The following SCLT1 variants were observed in gnomAD, a reference collection of about 807,000 sequenced individuals.
SCLT1 encodes the protein sodium channel and clathrin linker 1.
In SCLT1, 78 loss-of-function variants were observed where a neutral mutation model predicts 112.8. The ratio of observed to expected loss-of-function variants is 0.69; its 90% CI spans 0.58 to 0.83. The LOEUF (loss-of-function observed/expected upper bound fraction) is 0.83. Ranked by LOEUF, SCLT1 falls within the 40% of genes least tolerant of loss-of-function variation. The pLI is 0.00. For synonymous variants in SCLT1, 257 were observed against 254.7 expected, an observed-to-expected ratio of 1.01 and a Z score of -0.09; for missense variants, 747 against 770.4, an observed-to-expected ratio of 0.97 and a Z score of 0.36.
intron 14 of SCLT1, 131 bp downstream of exon 14, chr4:128,952,638 C>T (rs1738854111): frequency 3.0e-6 from 2 of 673,036 alleles, no homozygotes; most frequent in Middle Eastern, 5.0e-4. Context: ...TGGATTTTCA[C>T]TTTTTTCTTA....
At chr4:128,897,084 G>C (rs1364089348) in intron 18 of SCLT1, among the ~76,000 whole-genome samples, 1 of 152,158 alleles carries the variant, frequency 6.6e-6, no homozygotes, top group Non-Finnish European at 1.5e-5. Flanking sequence ...ATGGAACCAA[G>C]TTGGAAAACA....
intron 5 of SCLT1, among the ~76,000 whole-genome samples, chr4:129,022,351 G>C (rs997945434): frequency 6.6e-6 from 1 of 152,162 alleles, no homozygotes; most frequent in Non-Finnish European, 1.5e-5. Context: ...ACTCCTCTGC[G>C]TTAAAGGAGC....
Position 128,999,702 on chromosome 4 carries a change from C to A in SCLT1, c.519G>T (p.Gln173His), listed in dbSNP as rs1171871118. The A allele has an allele frequency of 1.2e-6, 2 of 1,605,536 alleles. No homozygotes were observed. Among genetic ancestry groups the A allele is most frequent in the South Asian group, 1.1e-5 (1 of 90,282 alleles). The stretch of plus-strand genomic sequence containing the variant: ...GTTTTTGACTTTCAAATACATGAAT[C>A]TGGGCCTCAGTCATATGTTCCTGGT... ...KLYQEHMTEAQIHVFESQKQK... is the reference protein window; with the variant it reads ...KLYQEHMTEAHIHVFESQKQK... Residue 173 changes from glutamine to histidine, a missense_variant, in exon 7 of 21, where the codon CAG becomes CAT. This residue lies in a region of SCLT1 where 723 missense variants were observed against 721.3 expected (regional missense o/e 1.00). Transcript: ENST00000281142.
chr4:129,052,514 T>G (rs1017030043), intron 2 of SCLT1, among the ~76,000 whole-genome samples: 8 of 152,060 alleles, frequency 5.3e-5, no homozygotes, highest in Admixed American at 4.6e-4. Flanking sequence ...TTTTTTTGTA[T>G]AGAGATGTTT....
At chr4:129,080,395 G>C (rs552387372) in intron 2 of SCLT1, among the ~76,000 whole-genome samples, 1 of 152,302 alleles carries the variant, frequency 6.6e-6, no homozygotes, top group East Asian at 1.9e-4. Flanking sequence ...CATCTTGAGT[G>C]CTTTCTTGCT....
At chr4:129,078,104 A>T (rs573805712) in intron 2 of SCLT1, among the ~76,000 whole-genome samples, 1 of 152,338 alleles carries the variant, frequency 6.6e-6, no homozygotes, top group South Asian at 2.1e-4. Flanking sequence ...TGGTTGCAAG[A>T]CAACAAGAAT....
intron 9 of SCLT1, among the ~76,000 whole-genome samples, chr4:128,980,078 T>C (rs542209707): frequency 6.6e-6 from 1 of 152,354 alleles, no homozygotes; most frequent in East Asian, 1.9e-4. Flanking sequence ...CTGTTTTCCA[T>C]GCTCAGAAAA....
intron 9 of SCLT1, among the ~76,000 whole-genome samples, chr4:128,974,796 G>T (rs1741000820): frequency 6.6e-6 from 1 of 151,834 alleles, no homozygotes; most frequent in Non-Finnish European, 1.5e-5. Context: ...GCCTGTGTAT[G>T]TAATTTTATA....
intron 9 of SCLT1, among the ~76,000 whole-genome samples, chr4:128,988,340 G>C (rs991390755): frequency 1.3e-5 from 2 of 151,898 alleles, no homozygotes; most frequent in Admixed American, 1.3e-4. Flanking sequence ...CAAAAAGCAG[G>C]GGAGATGAAG....
chr4:128,962,360 T>C lies in SCLT1; in HGVS notation c.870-2583A>G, dbSNP rs555585285. On this transcript the variant is annotated intron_variant, in intron 11 of 20. Transcript: ENST00000281142. ...TAGTCTGCACAATCATTATTAATCA[T>C]TACTTTGTTTTCCTCCATTTCTAAC... 2.6e-5 allele frequency among the ~76,000 whole-genome samples: 4 copies of C among 152,346 alleles called. No homozygotes were observed. The South Asian group carries it at 8.3e-4, about 32-fold the overall frequency.
intron 13 of SCLT1, among the ~76,000 whole-genome samples, chr4:128,953,047 C>G (rs1417056580): frequency 6.6e-6 from 1 of 151,758 alleles, no homozygotes. Flanking sequence ...CCAAAAGGAC[C>G]GTGGTTGTCA....
chr4:128,978,202 C>A (rs1741348708), intron 9 of SCLT1, among the ~76,000 whole-genome samples: 1 of 151,832 alleles, frequency 6.6e-6, no homozygotes, highest in African/African-American at 2.4e-5. Flanking sequence ...AGTTTACTGT[C>A]AAAAAATAAA....
chr4:129,052,209 G>T (rs1291355015), intron 2 of SCLT1, among the ~76,000 whole-genome samples: 1 of 152,152 alleles, frequency 6.6e-6, no homozygotes, highest in African/African-American at 2.4e-5. Context: ...TCTCTGCCAG[G>T]TTTTGGTATC....
intron 18 of SCLT1, among the ~76,000 whole-genome samples, chr4:128,897,037 T>C (rs318521): frequency 0.22 from 33,986 of 151,974 alleles, 4,595 homozygotes; most frequent in African/African-American, 0.37. Flanking sequence ...AAAGACCAAC[T>C]CTCGTCTGAT....
intron 1 of SCLT1, among the ~76,000 whole-genome samples, chr4:129,091,555 A>C (rs1579990294): frequency 6.6e-6 from 1 of 151,740 alleles, no homozygotes; most frequent in Admixed American, 6.6e-5. Flanking sequence ...GTCCCACACT[A>C]CTCTTACGGT....
intron 2 of SCLT1, among the ~76,000 whole-genome samples, chr4:129,045,633 G>A: frequency 6.6e-6 from 1 of 151,942 alleles, no homozygotes; most frequent in Admixed American, 6.6e-5. Flanking sequence ...ATTTCTAGGG[G>A]TGGAAAGAAG....
intron 2 of SCLT1, among the ~76,000 whole-genome samples, chr4:129,068,919 A>C (rs1750736357): frequency 6.6e-6 from 1 of 152,196 alleles, no homozygotes; most frequent in African/African-American, 2.4e-5. Flanking sequence ...CTTAGATTTA[A>C]GTCCTTAATC....
intron 1 of SCLT1, among the ~76,000 whole-genome samples, chr4:129,082,924 A>G (rs1699389): frequency 0.72 from 109,530 of 151,880 alleles, 41,515 homozygotes; most frequent in South Asian, 0.89. Context: ...AGGCCCGGTG[A>G]CTCATGCCTG....
chr4:129,046,910 AGTT>A (rs1013283734), intron 2 of SCLT1, among the ~76,000 whole-genome samples: 1 of 152,146 alleles, frequency 6.6e-6, no homozygotes, highest in African/African-American at 2.4e-5. Context: ...TAAATAATGA[AGTT>A]GAACAGTCTT....
Sources: gnomAD v4.1 joint callset for allele counts (sites outside exome capture counted in the v4.1 genomes callset) on GRCh38, gnomAD v4.1.1 for gene constraint, gnomAD v4.1.1 regional missense constraint, MANE v1.5 for transcripts, NCBI Gene and HGNC (gene_info 2026-07-23, HGNC 2026-07-21) for gene names.